MACC1: variants seen among roughly 807,000 people sequenced by gnomAD.
MACC1 encodes the protein MET transcriptional regulator MACC1.
MACC1 carries 79 observed loss-of-function variants against 70.7 expected under a neutral mutation model. The ratio of observed to expected loss-of-function variants is 1.12; its 90% CI spans 0.93 to 1.35. The LOEUF (loss-of-function observed/expected upper bound fraction) is 1.35, where lower values mean the gene tolerates loss of function less well. Ranked by LOEUF, MACC1 falls within the 40% of genes most tolerant of loss-of-function variation. MACC1 has a pLI of 0.00. For missense variants in MACC1, 1,106 were observed against 978.1 expected, an observed-to-expected ratio of 1.13 and a Z score of -1.74; for synonymous variants, 361 against 347.2, an observed-to-expected ratio of 1.04 and a Z score of -0.44.
intron 1 of MACC1, among the ~76,000 whole-genome samples, chr7:20,190,019 A>T (rs1412823662): frequency 6.6e-6 from 1 of 152,090 alleles, no homozygotes; most frequent in Non-Finnish European, 1.5e-5. Context: ...CTCTTCTTAG[A>T]AGGGCACTAA....
At position 20,159,449 on chromosome 7, in the gene MACC1, G is replaced by T. The variant is rs750974635; in HGVS notation, c.912C>A (p.Val304=). ...TGTGTAAACACACCATTTCTGTCAT[G>T]ACTTGGCTGAAAGGATCCTTTCTTA... ...AEVRKDPFSQ[V]MTEMVCLHSL... is the part of the protein sequence containing the mutation. The change falls in exon 5 of 7, where the codon GTC becomes GTA. Residue 304 remains valine, a synonymous_variant. Coordinates refer to ENST00000400331, the MANE Select transcript of MACC1 (RefSeq NM_182762.4). 6.2e-7 allele frequency: 1 copy of T among 1,613,954 alleles called. No homozygotes were observed. The highest frequency in any genetic ancestry group is 2.2e-5 in the East Asian group (1 of 44,880).
intron 1 of MACC1, among the ~76,000 whole-genome samples, chr7:20,174,691 A>G (rs1287320574): frequency 6.6e-6 from 1 of 152,154 alleles, no homozygotes; most frequent in African/African-American, 2.4e-5. Flanking sequence ...ATTATTAAAA[A>G]GGAAAATATA....
intron 1 of MACC1, among the ~76,000 whole-genome samples, chr7:20,171,729 C>G (rs944754231): frequency 6.6e-6 from 1 of 151,940 alleles, no homozygotes; most frequent in African/African-American, 2.4e-5. Context: ...TTACAGATGC[C>G]CACCACCACG....
At chr7:20,187,537 G>A (rs1018300535) in intron 1 of MACC1, among the ~76,000 whole-genome samples, 3 of 152,038 alleles carry the variant, frequency 2.0e-5, no homozygotes, top group South Asian at 2.1e-4. Context: ...AGTGACCTTC[G>A]TGCATGCCCC....
chr7:20,151,797 G>A (rs1781982474), intron 6 of MACC1, among the ~76,000 whole-genome samples: 2 of 152,126 alleles, frequency 1.3e-5, no homozygotes, highest in East Asian at 3.8e-4. Flanking sequence ...CCTGAAAAGA[G>A]GACAAATAAA....
At chr7:20,194,071 C>T (rs1251141960) in intron 1 of MACC1, among the ~76,000 whole-genome samples, 1 of 152,092 alleles carries the variant, frequency 6.6e-6, no homozygotes, top group Non-Finnish European at 1.5e-5. Flanking sequence ...TCCATGTCTC[C>T]ATCTGTAAAA....
At chr7:20,176,167 G>T (rs1459432237) in intron 1 of MACC1, among the ~76,000 whole-genome samples, 2 of 152,038 alleles carry the variant, frequency 1.3e-5, no homozygotes, top group African/African-American at 4.8e-5. Context: ...ATATTTTTAG[G>T]TTTCTGAATA....
In MACC1 at chr7:20,139,084, A is replaced by G. The variant is rs2128099273; in HGVS notation, c.*1862T>C. On this transcript the variant is annotated 3_prime_UTR_variant, in exon 7 of 7. Transcript: ENST00000400331. ...CTGCTTTTACTTTTTAGCCAAATGGACATCTTTTATTCAGGTTCCCAAAAC... is the reference window on the plus strand; with the variant it reads ...CTGCTTTTACTTTTTAGCCAAATGGGCATCTTTTATTCAGGTTCCCAAAAC... The G allele has an allele frequency of 1.3e-5, 2 of 152,316 alleles. No homozygotes were observed. The highest frequency in any genetic ancestry group is 1.9e-4 in the East Asian group (1 of 5,182). The allele number at this position is 152,316 out of a possible 1,614,324, so 9.4% of individuals were successfully genotyped here.
At position 20,141,053 on chromosome 7, in the gene MACC1, T is replaced by C. The variant is rs751993006; in HGVS notation, c.2452A>G (p.Lys818Glu). 6.2e-7 allele frequency: 1 copy of C among 1,614,066 alleles called. No homozygotes were observed. Among genetic ancestry groups the C allele is most frequent in the South Asian group, 1.1e-5 (1 of 91,068 alleles). The change falls in exon 7 of 7, where the codon AAA becomes GAA. Residue 818 changes from lysine to glutamate, a missense_variant. Coordinates refer to ENST00000400331, the MANE Select transcript of MACC1 (RefSeq NM_182762.4). The part of the protein sequence containing the change: ...QDLQSALDRM[K>E]NPVTKHWREL... Reference sequence around the variant, plus strand: ...CTCCAGTGTTTAGTCACAGGGTTTTTCATTCTGTCCAAAGCTGACTGAAGG... The same window carrying C: ...CTCCAGTGTTTAGTCACAGGGTTTTCCATTCTGTCCAAAGCTGACTGAAGG...
chr7:20,140,727 T>C lies in MACC1; in HGVS notation c.*219A>G, dbSNP rs895843863. 10 of 415,942 alleles carry C rather than the reference T, an allele frequency of 2.4e-5. No individual in the cohort carries two copies. Among genetic ancestry groups the C allele is most frequent in the Non-Finnish European group, 3.8e-5 (9 of 238,898 alleles). The allele number at this position is 415,942 out of a possible 1,614,324, so 25.8% of individuals were successfully genotyped here. ...ATCTTGGTTATCAGTTAGGCTGTGC[T>C]TTCATCAGGAAAAAAAAACTGGTTT... On this transcript the variant is annotated 3_prime_UTR_variant, in exon 7 of 7. Coordinates refer to ENST00000400331, the MANE Select transcript of MACC1 (RefSeq NM_182762.4).
At chr7:20,209,683 G>C (rs772822744) in intron 1 of MACC1, among the ~76,000 whole-genome samples, 140 of 152,142 alleles carry the variant, frequency 9.2e-4, no homozygotes, top group Non-Finnish European at 1.6e-3. Flanking sequence ...AAGGCTTTGG[G>C]GGGGACTATT....
chr7:20,161,660 C>T, intron 4 of MACC1, 88 bp downstream of exon 4: 1 of 748,088 alleles, frequency 1.3e-6, no homozygotes. Flanking sequence ...CATCTTCCAG[C>T]ATTTTCAGAG....
chr7:20,164,050 C>A (rs1056035535), intron 3 of MACC1, among the ~76,000 whole-genome samples: 1 of 152,152 alleles, frequency 6.6e-6, no homozygotes. Flanking sequence ...GATTCTCATG[C>A]CTGAGCCTCC....
chr7:20,163,069 A>C lies in MACC1; in HGVS notation c.-9+1187T>G, dbSNP rs537290961. On this transcript the variant is annotated intron_variant, in intron 3 of 6. Coordinates refer to ENST00000400331, the MANE Select transcript of MACC1 (RefSeq NM_182762.4). ...CCAAAATATATCAAAGATTCCCGCA[A>C]ATCAATAAACAAAATAAAACAACAC... Among the ~76,000 whole-genome samples, 80 of 152,284 alleles carry C rather than the reference A, an allele frequency of 5.3e-4. 1 individual carries two copies. The highest frequency in any genetic ancestry group is 1.8e-3 in the African/African-American group (76 of 41,574).
intron 1 of MACC1, among the ~76,000 whole-genome samples, 153 bp downstream of exon 1, chr7:20,217,146 C>A (rs1425047245): frequency 6.6e-6 from 1 of 152,030 alleles, no homozygotes; most frequent in African/African-American, 2.4e-5. Context: ...TCCCATAAGC[C>A]CACAGAATAC....
intron 1 of MACC1, among the ~76,000 whole-genome samples, chr7:20,175,859 C>G (rs1000079844): frequency 4.6e-5 from 7 of 152,064 alleles, no homozygotes; most frequent in Non-Finnish European, 8.8e-5. Context: ...TTCCTTAGAA[C>G]TATTTGGAAT....
At chr7:20,161,318 A>G (rs1782135816) in intron 4 of MACC1, among the ~76,000 whole-genome samples, 1 of 152,074 alleles carries the variant, frequency 6.6e-6, no homozygotes. Context: ...GTTATATGCT[A>G]AAAATTAGAA....
intron 1 of MACC1, among the ~76,000 whole-genome samples, chr7:20,205,116 A>T (rs1782892782): frequency 6.6e-6 from 1 of 152,176 alleles, no homozygotes. Flanking sequence ...ACATGAAGAG[A>T]AAGTCTCATA....
intron 1 of MACC1, among the ~76,000 whole-genome samples, chr7:20,191,367 G>A (rs1211517601): frequency 6.6e-6 from 1 of 152,194 alleles, no homozygotes; most frequent in Non-Finnish European, 1.5e-5. Context: ...TTAGTTTGGG[G>A]AGCATGGATG....
Sources: gnomAD v4.1 joint callset for allele counts (sites outside exome capture counted in the v4.1 genomes callset) on GRCh38, gnomAD v4.1.1 for gene constraint, MANE v1.5 for transcripts, NCBI Gene and HGNC (gene_info 2026-07-23, HGNC 2026-07-21) for gene names.